ZNF560: variants seen among roughly 807,000 people sequenced by gnomAD.
ZNF560 encodes zinc finger protein 560.
In ZNF560, 54 loss-of-function variants were observed where a neutral mutation model predicts 81.8. That is an observed-to-expected ratio of 0.66 (90% CI 0.53 to 0.83). ZNF560 has a LOEUF of 0.83. Ranked by LOEUF, ZNF560 falls within the 40% of genes least tolerant of loss-of-function variation. ZNF560 has a pLI of 0.00. For missense variants in ZNF560, 940 were observed against 932.4 expected, an observed-to-expected ratio of 1.01 and a Z score of -0.11; for synonymous variants, 321 against 317.9, an observed-to-expected ratio of 1.01 and a Z score of -0.10.
At chr19:9,476,366 C>T (rs1036113956) in intron 2 of ZNF560, among the ~76,000 whole-genome samples, 4 of 152,074 alleles carry the variant, frequency 2.6e-5, no homozygotes, top group Admixed American at 1.3e-4. Context: ...GATCTTGGCT[C>T]ACTGCAACCT....
At chr19:9,468,725 CTTTTTT>C (rs3068756) in intron 9 of ZNF560, among the ~76,000 whole-genome samples, 1 of 123,052 alleles carries the variant, frequency 8.1e-6, no homozygotes, top group African/African-American at 3.1e-5. Flanking sequence ...CTGCTGATTT[CTTTTTT>C]TTTTTTTTTT....
chr19:9,478,149 AAG>A (rs886153690), intron 2 of ZNF560, among the ~76,000 whole-genome samples: 1 of 152,128 alleles, frequency 6.6e-6, no homozygotes, highest in Non-Finnish European at 1.5e-5. Context: ...AGCATGAAAA[AAG>A]ATGCAAATCA....
chr19:9,493,181 AG>A (rs1378345914), intron 2 of ZNF560, among the ~76,000 whole-genome samples: 7 of 152,214 alleles, frequency 4.6e-5, no homozygotes, highest in Non-Finnish European at 1.0e-4. Flanking sequence ...AGGAAAATGG[AG>A]GACCAAGATC....
chr19:9,472,043 T>C (rs2073130817), intron 5 of ZNF560, among the ~76,000 whole-genome samples: 2 of 150,784 alleles, frequency 1.3e-5, no homozygotes, highest in South Asian at 2.1e-4. Flanking sequence ...CTGGGAGGCA[T>C]AGGTTGCGGT....
chr19:9,456,025 G>A, the ZNF560 span, among the ~76,000 whole-genome samples: 1 of 152,348 alleles, frequency 6.6e-6, no homozygotes, highest in South Asian at 2.1e-4. Context: ...GGGCCAATCA[G>A]TGTCATTCTA....
At position 9,467,396 on chromosome 19, in the gene ZNF560, C is replaced by G; in HGVS notation, c.1551G>C (p.Lys517Asn). 6.2e-7 allele frequency: 1 copy of G among 1,613,950 alleles called. No homozygotes were observed. Among genetic ancestry groups the G allele is most frequent in the Non-Finnish European group, 8.5e-7 (1 of 1,179,970 alleles). ...TAAATGGTTTCCCACATTTGTAACACTTAAAGGGCTTCTCACCAGTGTGAG... is the reference window on the plus strand; with the variant it reads ...TAAATGGTTTCCCACATTTGTAACAGTTAAAGGGCTTCTCACCAGTGTGAG... The part of the protein sequence containing the change: ...LRTHTGEKPF[K>N]CYKCGKPFTS... The change falls in exon 10 of 10, where the codon AAG (lysine) becomes AAC (asparagine). Residue 517 changes from lysine to asparagine, a missense_variant. Lys to Asn is a moderately conservative substitution (Grantham distance 94). Coordinates refer to ENST00000301480, the MANE Select transcript of ZNF560 (RefSeq NM_152476.3).
At chr19:9,460,788 C>T in the ZNF560 span, among the ~76,000 whole-genome samples, 5,552 of 152,140 alleles carry the variant, frequency 0.036, 352 homozygotes, top group African/African-American at 0.13. Context: ...GGATTGGACC[C>T]GGTCAGAAAA....
At chr19:9,448,116 T>C in the ZNF560 span, among the ~76,000 whole-genome samples, 9 of 152,228 alleles carry the variant, frequency 5.9e-5, no homozygotes, top group Non-Finnish European at 1.3e-4. Context: ...CAAACTAAGC[T>C]TCATAAGAGT....
chr19:9,482,363 T>C (rs1308267284), intron 2 of ZNF560, among the ~76,000 whole-genome samples: 2 of 150,216 alleles, frequency 1.3e-5, no homozygotes, highest in Admixed American at 1.3e-4. Flanking sequence ...ACATGGCACA[T>C]GTATATATAT....
At chr19:9,489,192 T>C (rs111685642) in intron 2 of ZNF560, among the ~76,000 whole-genome samples, 15,561 of 152,336 alleles carry the variant, frequency 0.1, 958 homozygotes, top group South Asian at 0.2. Context: ...CACTTCACAC[T>C]TGGAGGTTTG....
intron 9 of ZNF560, among the ~76,000 whole-genome samples, chr19:9,468,628 T>A (rs1461842800): frequency 6.6e-6 from 1 of 152,188 alleles, no homozygotes; most frequent in Admixed American, 6.5e-5. Context: ...AGTACCAAGC[T>A]TCACACAAGG....
upstream of ZNF560, among the ~76,000 whole-genome samples, chr19:9,502,160 G>T (rs568261124): frequency 1.4e-5 from 2 of 146,574 alleles, no homozygotes; most frequent in Non-Finnish European, 3.0e-5. Flanking sequence ...TCTCAAAAAA[G>T]AAAAAAAGAA....
At chr19:9,484,627 C>CAAAA (rs60283585) in intron 2 of ZNF560, among the ~76,000 whole-genome samples, 16 of 79,730 alleles carry the variant, frequency 2.0e-4, no homozygotes, top group African/African-American at 3.8e-4. Context: ...ACCGAAAATA[C>CAAAA]AAAAAAAAAA....
Position 9,469,193 on chromosome 19 carries a change from A to G in ZNF560, c.530-6T>C, listed in dbSNP as rs2073084274. 1 of 1,576,858 alleles carries G rather than the reference A, an allele frequency of 6.3e-7. No individual in the cohort carries two copies. The highest frequency in any genetic ancestry group is 2.3e-5 in the East Asian group (1 of 44,390). On this transcript the variant is annotated splice_region_variant and splice_polypyrimidine_tract_variant and intron_variant, in intron 8 of 9. Transcript: ENST00000301480. ...TTTCAGGCACATTTTCCATTCTGAA[A>G]TAAAAGAGAAAAATATACATGAGAG... is the stretch of plus-strand genomic sequence containing the variant.
At chr19:9,456,408 G>A in the ZNF560 span, among the ~76,000 whole-genome samples, 65 of 152,274 alleles carry the variant, frequency 4.3e-4, no homozygotes, top group East Asian at 7.0e-3. Context: ...AGGCAGAACC[G>A]GGAGAGCGTA....
At chr19:9,470,554 A>C in intron 6 of ZNF560, 36 bp from the exon 7 acceptor site, 1 of 1,614,158 alleles carries the variant, frequency 6.2e-7, no homozygotes, top group South Asian at 1.1e-5. Flanking sequence ...TGAGCCAAGC[A>C]ACATCTCCAC....
chr19:9,448,169 A>G, the ZNF560 span, among the ~76,000 whole-genome samples: 1 of 152,176 alleles, frequency 6.6e-6, no homozygotes, highest in Non-Finnish European at 1.5e-5. Flanking sequence ...AAGGGATTTC[A>G]TTACCAGTAG....
chr19:9,482,874 G>A (rs1041839041), intron 2 of ZNF560, among the ~76,000 whole-genome samples: 85 of 152,112 alleles, frequency 5.6e-4, no homozygotes, highest in African/African-American at 1.9e-3. Flanking sequence ...TGTGTTGGCC[G>A]GGCTGGTCTC....
At chr19:9,503,166 A>G (rs976733087), upstream of ZNF560, among the ~76,000 whole-genome samples, 1 of 152,112 alleles carries the variant, frequency 6.6e-6, no homozygotes, top group African/African-American at 2.4e-5. Context: ...AGCTGCAGTG[A>G]GCTGTGATCA....
Sources: gnomAD v4.1 joint callset for allele counts (sites outside exome capture counted in the v4.1 genomes callset) on GRCh38, gnomAD v4.1.1 for gene constraint, MANE v1.5 for transcripts, NCBI Gene and HGNC (gene_info 2026-07-23, HGNC 2026-07-21) for gene names.